TMEM178B: variants seen among roughly 807,000 people sequenced by gnomAD.
TMEM178B encodes transmembrane protein 178B.
In TMEM178B, 5 loss-of-function variants were observed where a neutral mutation model predicts 31.0. That is an observed-to-expected ratio of 0.16 (90% CI 0.08 to 0.34). The LOEUF is 0.34. Ranked by LOEUF, TMEM178B falls within the 10% of genes least tolerant of loss-of-function variation. The pLI is 1.00. For missense variants in TMEM178B, 275 were observed against 400.3 expected (o/e 0.69, Z 2.67); for synonymous variants, 164 against 164.0 (o/e 1.00, Z 0.00).
At chr7:141,381,360 A>T (rs997362203) in intron 2 of TMEM178B, among the ~76,000 whole-genome samples, 75 of 152,352 alleles carry the variant, frequency 4.9e-4, no homozygotes, top group African/African-American at 1.8e-3. Flanking sequence ...CTGTAGTAGT[A>T]GAAGAAGTAA....
At chr7:141,240,113 G>A (rs1337158934) in intron 2 of TMEM178B, among the ~76,000 whole-genome samples, 1 of 152,108 alleles carries the variant, frequency 6.6e-6, no homozygotes, top group East Asian at 1.9e-4. Context: ...ATACTATGGT[G>A]CATCTCAATT....
chr7:141,212,132 G>A (rs572853552), intron 1 of TMEM178B, among the ~76,000 whole-genome samples: 1 of 152,254 alleles, frequency 6.6e-6, no homozygotes, highest in Non-Finnish European at 1.5e-5. Flanking sequence ...GGGAGGATGA[G>A]GATGGGAGGA....
At chr7:141,320,317 T>G (rs1196118015) in intron 2 of TMEM178B, among the ~76,000 whole-genome samples, 1 of 152,190 alleles carries the variant, frequency 6.6e-6, no homozygotes, top group Non-Finnish European at 1.5e-5. Flanking sequence ...ATTACTTATA[T>G]TAAGGGGCTC....
At chr7:141,212,878 A>G (rs1197076645) in intron 2 of TMEM178B, 174 bp downstream of exon 2, 3 of 538,580 alleles carry the variant, frequency 5.6e-6, no homozygotes, top group African/African-American at 3.7e-5. Context: ...TTTTGATTGC[A>G]TTATAAATTT....
chr7:141,270,130 T>C (rs567567930), intron 2 of TMEM178B, among the ~76,000 whole-genome samples: 67 of 152,106 alleles, frequency 4.4e-4, no homozygotes, highest in African/African-American at 1.4e-3. Flanking sequence ...AAAAGAATTG[T>C]ATGGTTTTGG....
chr7:141,224,743 G>C (rs186996323), intron 2 of TMEM178B, among the ~76,000 whole-genome samples: 1 of 152,216 alleles, frequency 6.6e-6, no homozygotes, highest in Non-Finnish European at 1.5e-5. Flanking sequence ...GAAGGGCAGG[G>C]GAGGAATCAG....
intron 2 of TMEM178B, among the ~76,000 whole-genome samples, chr7:141,356,188 A>G (rs1171551597): frequency 6.6e-6 from 1 of 152,194 alleles, no homozygotes; most frequent in Non-Finnish European, 1.5e-5. Context: ...ATACAAATGC[A>G]TGTATTTTTT....
At chr7:141,221,293 C>T (rs1438250857) in intron 2 of TMEM178B, among the ~76,000 whole-genome samples, 2 of 152,178 alleles carry the variant, frequency 1.3e-5, no homozygotes, top group African/African-American at 2.4e-5. Flanking sequence ...AGTCTGAGCT[C>T]AGCTTCCGGG....
Position 141,475,275 on chromosome 7 carries a change from C to T in TMEM178B, c.*4489C>T, listed in dbSNP as rs1032037405. ...AGAGTTGACATACACACGTGATTCTCGTGTCTGTCTCTCAAAGCTCTCAAT... is the reference window on the plus strand; with the variant it reads ...AGAGTTGACATACACACGTGATTCTTGTGTCTGTCTCTCAAAGCTCTCAAT... On this transcript the variant is annotated 3_prime_UTR_variant, in exon 4 of 4. Coordinates refer to ENST00000565468, the MANE Select transcript of TMEM178B (RefSeq NM_001195278.2). 5 of 152,110 alleles carry T rather than the reference C, an allele frequency of 3.3e-5. No individual in the cohort carries two copies. Among genetic ancestry groups the T allele is most frequent in the African/African-American group, 4.8e-5 (2 of 41,418 alleles). The allele number at this position is 152,110 out of a possible 1,614,324, so 9.4% of individuals were successfully genotyped here. A position where few individuals can be genotyped will look rare whatever the true frequency, so the allele number is the denominator to read the frequency against.
At chr7:141,222,208 A>G (rs1563122655) in intron 2 of TMEM178B, among the ~76,000 whole-genome samples, 2 of 152,222 alleles carry the variant, frequency 1.3e-5, no homozygotes, top group African/African-American at 4.8e-5. Flanking sequence ...TGGTTAGTTG[A>G]ATACAACAGC....
At chr7:141,154,786 A>G (rs1354184452) in intron 1 of TMEM178B, among the ~76,000 whole-genome samples, 1 of 150,944 alleles carries the variant, frequency 6.6e-6, no homozygotes, top group African/African-American at 2.4e-5. Flanking sequence ...CTGGAGTGCA[A>G]TGGTGCAATC....
At chr7:141,131,001 G>T (rs961986230) in intron 1 of TMEM178B, among the ~76,000 whole-genome samples, 1 of 152,074 alleles carries the variant, frequency 6.6e-6, no homozygotes, top group African/African-American at 2.4e-5. Context: ...CCATTAGAAC[G>T]GGAACTCATC....
chr7:141,182,346 G>A (rs543058469), intron 1 of TMEM178B, among the ~76,000 whole-genome samples: 3 of 152,338 alleles, frequency 2.0e-5, no homozygotes, highest in African/African-American at 7.2e-5. Flanking sequence ...TCCTTGACTT[G>A]TGTGTCAAGA....
intron 2 of TMEM178B, among the ~76,000 whole-genome samples, chr7:141,353,651 T>A (rs761674001): frequency 1.3e-5 from 2 of 152,206 alleles, no homozygotes; most frequent in African/African-American, 2.4e-5. Flanking sequence ...ACTTCAAGCA[T>A]AAGCCCCATT....
At chr7:141,152,752 A>G (rs1212728228) in intron 1 of TMEM178B, among the ~76,000 whole-genome samples, 2 of 152,192 alleles carry the variant, frequency 1.3e-5, no homozygotes, top group African/African-American at 2.4e-5. Context: ...ACAGGCAGTT[A>G]GGTAGACTCT....
At chr7:141,269,495 C>T (rs1428814038) in intron 2 of TMEM178B, among the ~76,000 whole-genome samples, 1 of 152,206 alleles carries the variant, frequency 6.6e-6, no homozygotes, top group Non-Finnish European at 1.5e-5. Flanking sequence ...CCAGTACCCC[C>T]ACTACTTTAG....
At chr7:141,329,648 T>C (rs923867471) in intron 2 of TMEM178B, among the ~76,000 whole-genome samples, 2 of 152,206 alleles carry the variant, frequency 1.3e-5, no homozygotes, top group African/African-American at 4.8e-5. Context: ...CTACAGAACA[T>C]TTTATAATAG....
At chr7:141,470,231 C>T in intron 3 of TMEM178B, among the ~76,000 whole-genome samples, 1 of 152,278 alleles carries the variant, frequency 6.6e-6, no homozygotes, top group Non-Finnish European at 1.5e-5. Flanking sequence ...GCTCACTCTA[C>T]CCCACACAAA....
In TMEM178B at chr7:141,442,478, AC is replaced by A. The variant is rs199741069; in HGVS notation, c.634+4734del. Among the ~76,000 whole-genome samples the A allele has an allele frequency of 9.2e-3, 1,402 of 152,244 alleles. 8 individuals carry two copies. The highest frequency in any genetic ancestry group is 0.017 in the Middle Eastern group (5 of 294). On this transcript the variant is annotated intron_variant, in intron 3 of 3. Transcript: ENST00000565468. ...GTTGAACTTAAAATCTGAACTCCTT[AC>A]ACCTCTTTAGAAGCTGTTTGTAATC...
Sources: allele counts gnomAD v4.1 joint callset (sites outside exome capture counted in the v4.1 genomes callset), GRCh38; gene constraint gnomAD v4.1.1; transcripts MANE v1.5; gene names NCBI Gene and HGNC (gene_info 2026-07-23, HGNC 2026-07-21).